PLEKHG4: variants seen among roughly 807,000 people sequenced by gnomAD.
PLEKHG4 encodes the protein puratrophin-1.
Under a neutral mutation model 136.9 loss-of-function variants are expected in PLEKHG4, and 85 were observed. The observed-to-expected ratio is 0.62, with a 90% CI of 0.52 to 0.74. The LOEUF (loss-of-function observed/expected upper bound fraction) is 0.74. Ranked by LOEUF, PLEKHG4 falls within the 30% of genes least tolerant of loss-of-function variation. The probability of loss-of-function intolerance (pLI) is 0.00; values close to 1 mark genes in which losing one functional copy is unlikely to be tolerated. For synonymous variants in PLEKHG4, 577 were observed against 646.9 expected (o/e 0.89, Z 1.64); for missense variants, 1,317 against 1,527.8 (o/e 0.86, Z 2.30).
chr16:67,286,947 A>G, intron 17 of PLEKHG4, 28 bp downstream of exon 17: 1 of 1,612,134 alleles, frequency 6.2e-7, no homozygotes, highest in Non-Finnish European at 8.5e-7. Context: ...AGGCCCCACC[A>G]CTTGTTTTCC....
In PLEKHG4 at chr16:67,281,664, AG is replaced by A. The variant is rs972487176; in HGVS notation, c.891+24del. Reference sequence around the variant, plus strand: ...CTGCAGGTACTAAGCCCAGTTGGCTAGGGGTAGAGGTGGGGTGCCTCCCCCC... The same window carrying A: ...CTGCAGGTACTAAGCCCAGTTGGCTAGGGTAGAGGTGGGGTGCCTCCCCCC... On this transcript the variant is annotated intron_variant, in intron 6 of 21. Transcript: ENST00000379344. The A allele has an allele frequency of 3.7e-6, 6 of 1,613,336 alleles. No homozygotes were observed. In the Admixed American group the frequency reaches 6.7e-5, roughly 18 times the overall value.
At chr16:67,286,178 G>A (rs1303617561) in intron 14 of PLEKHG4, 96 bp from the exon 15 acceptor site, 4 of 843,422 alleles carry the variant, frequency 4.7e-6, no homozygotes, top group Non-Finnish European at 6.2e-6. Flanking sequence ...GGCATCTACT[G>A]GCATTTTGGT....
At chr16:67,281,377 C>T (rs1316561156) in intron 5 of PLEKHG4, among the ~76,000 whole-genome samples, 190 bp from the exon 6 acceptor site, 5 of 152,162 alleles carry the variant, frequency 3.3e-5, no homozygotes, top group African/African-American at 9.7e-5. Context: ...GCACCTGCCA[C>T]CATGCCCAGC....
In PLEKHG4 at chr16:67,280,048, G is replaced by C; in HGVS notation, c.4G>C (p.Glu2Gln). 6.2e-7 allele frequency: 1 copy of C among 1,612,754 alleles called. No individual in the cohort carries two copies. The highest frequency in any genetic ancestry group is 1.1e-5 in the South Asian group (1 of 91,046). ...GGCCCACCTTTAGGAGGGCGTGATG[G>C]AAAGGCCCCTGGAGAATGGGGATGA... M[E>Q]RPLENGDESP... Residue 2 changes from glutamate (E) to glutamine (Q), a missense_variant, in exon 2 of 22, where the codon GAA becomes CAA. By Grantham distance (29) the Glu-to-Gln change is conservative (BLOSUM62 2). Coordinates refer to ENST00000379344, the MANE Select transcript of PLEKHG4 (RefSeq NM_001129729.3). The surrounding 1 kb of genome is among the most constrained non-coding windows in gnomAD (Gnocchi z 4.4).
chr16:67,286,792 T>A lies in PLEKHG4; in HGVS notation c.2798T>A (p.Phe933Tyr), dbSNP rs746833314. The A allele has an allele frequency of 1.3e-5, 21 of 1,614,012 alleles. No individual in the cohort carries two copies. The highest frequency in any genetic ancestry group is 1.7e-5 in the Non-Finnish European group (20 of 1,179,962). ...EQGQLVRQDEFVVRTGRHKSV... is the reference protein window; with the variant it reads ...EQGQLVRQDEYVVRTGRHKSV... ...GGGCAGCTGGTGCGACAGGATGAGT[T>A]TGTGGTGCGCACTGGGCGCCACAAG... Residue 933 changes from phenylalanine (F) to tyrosine (Y), a missense_variant, in exon 17 of 22, where the codon TTT becomes TAT. By Grantham distance (22) the Phe-to-Tyr change is conservative. Coordinates refer to ENST00000379344, the MANE Select transcript of PLEKHG4 (RefSeq NM_001129729.3).
At position 67,284,886 on chromosome 16, in the gene PLEKHG4, C is replaced by T. The variant is rs778249261; in HGVS notation, c.1866C>T (p.Arg622=). Residue 622 remains arginine, a synonymous_variant, in exon 13 of 22, where the codon CGC becomes CGT. Coordinates refer to ENST00000379344, the MANE Select transcript of PLEKHG4 (RefSeq NM_001129729.3). This position sits in a 1 kb window ranked among gnomAD's most constrained non-coding sequence, Gnocchi z 4.4. ...LATGLGSEAI[R]QECRWAWARC... is the part of the protein sequence containing the mutation. Reference sequence around the variant, plus strand: ...CGGGGCTGGGCTCAGAGGCCATCCGCCAGGAGTGCCGCTGGGCCTGGGCGC... The same window carrying T: ...CGGGGCTGGGCTCAGAGGCCATCCGTCAGGAGTGCCGCTGGGCCTGGGCGC... The T allele has an allele frequency of 3.1e-6, 5 of 1,612,652 alleles. No homozygotes were observed. In the South Asian group the frequency reaches 4.4e-5, roughly 14 times the overall value.
In PLEKHG4 at chr16:67,284,741, G is replaced by A. The variant is rs544694903; in HGVS notation, c.1721G>A (p.Arg574Gln). The change falls in exon 13 of 22, where the codon CGA becomes CAA. Residue 574 changes from arginine (R) to glutamine (Q), a missense_variant. Arg to Gln is a conservative substitution (Grantham distance 43). Coordinates refer to ENST00000379344, the MANE Select transcript of PLEKHG4 (RefSeq NM_001129729.3). This position sits in a 1 kb window ranked among gnomAD's most constrained non-coding sequence, Gnocchi z 4.4. ...TTGACGTGGGCTGAGGAGGGGCAGC[G>A]AGTGTTGGCAGAGCTGGAGCAGGAA... ...EALTWAEEGQ[R>Q]VLAELEQERP... is the part of the protein sequence containing the mutation. The A allele has an allele frequency of 3.7e-5, 60 of 1,613,910 alleles. No individual in the cohort carries two copies. In the East Asian group the frequency reaches 6.2e-4, roughly 17 times the overall value.
rs2036160552 is a variant in PLEKHG4 at position 67,280,471 on chromosome 16, C to G, written c.427C>G (p.Pro143Ala). ...CAGGGCGATGCCATCTGGCTTGAGC[C>G]CTGGGGCATTGGACAGCGACCCTGT... ...PSRAMPSGLS[P>A]GALDSDPVGL... The change falls in exon 2 of 22, where the codon CCT (proline) becomes GCT (alanine). Residue 143 changes from proline to alanine, a missense_variant. By Grantham distance (27) the Pro-to-Ala change is conservative. Coordinates refer to ENST00000379344, the MANE Select transcript of PLEKHG4 (RefSeq NM_001129729.3). The surrounding 1 kb of genome is among the most constrained non-coding windows in gnomAD (Gnocchi z 4.4). 1 of 1,603,664 alleles carries G rather than the reference C, an allele frequency of 6.2e-7. No individual in the cohort carries two copies. Among genetic ancestry groups the G allele is most frequent in the Admixed American group, 1.7e-5 (1 of 59,076 alleles).
chr16:67,282,635 G>A lies in PLEKHG4; in HGVS notation c.1386G>A (p.Leu462=). 1 of 1,613,864 alleles carries A rather than the reference G, an allele frequency of 6.2e-7. No individual in the cohort carries two copies. Among genetic ancestry groups the A allele is most frequent in the Non-Finnish European group, 8.5e-7 (1 of 1,180,054 alleles). ...VQTLEARESG[L]HQIEVWLQQV... ...CACTGGAGGCCCGGGAAAGCGGACT[G>A]CACCAGGTCGGAACTACTTGCCCAG... is the stretch of plus-strand genomic sequence containing the variant. Residue 462 remains leucine (L), a synonymous_variant, in exon 10 of 22, where the codon CTG becomes CTA. Coordinates refer to ENST00000379344, the MANE Select transcript of PLEKHG4 (RefSeq NM_001129729.3).
In PLEKHG4 at chr16:67,285,117, T is replaced by G. The variant is rs1361477739; in HGVS notation, c.2097T>G (p.Ile699Met). ...GCCACTGCCACCATGCGGCCACTAT[T>G]GCTGCCTGCCGCAGACCAGAGGCTG... is the stretch of plus-strand genomic sequence containing the variant. Reference protein sequence around the residue: ...PACHCHHAATIAACRRPEAGG... With the variant: ...PACHCHHAATMAACRRPEAGG... Residue 699 changes from isoleucine (I) to methionine (M), a missense_variant, in exon 13 of 22, where the codon ATT (isoleucine) becomes ATG (methionine). By Grantham distance (10) the Ile-to-Met change is conservative (BLOSUM62 1). Transcript: ENST00000379344. 6.2e-7 allele frequency: 1 copy of G among 1,613,414 alleles called. No individual in the cohort carries two copies. Among genetic ancestry groups the G allele is most frequent in the Non-Finnish European group, 8.5e-7 (1 of 1,180,002 alleles).
chr16:67,288,863 C>A lies in PLEKHG4; in HGVS notation c.*55C>A, dbSNP rs1567444219. 1.2e-6 allele frequency: 2 copies of A among 1,600,172 alleles called. No individual in the cohort carries two copies. Among genetic ancestry groups the A allele is most frequent in the Admixed American group, 1.7e-5 (1 of 59,026 alleles). On this transcript the variant is annotated 3_prime_UTR_variant, in exon 22 of 22. Coordinates refer to ENST00000379344, the MANE Select transcript of PLEKHG4 (RefSeq NM_001129729.3). ...CAGCCTGCAGCTCCAAGGAACATTG[C>A]CTCTCTGGATCTGCTGTGACCAGGG...
At position 67,282,732 on chromosome 16, in the gene PLEKHG4, G is replaced by A. The variant is rs1474359352; in HGVS notation, c.1393-10G>A. 3 of 1,613,370 alleles carry A rather than the reference G, an allele frequency of 1.9e-6. No individual in the cohort carries two copies. Among genetic ancestry groups the A allele is most frequent in the Non-Finnish European group, 2.5e-6 (3 of 1,179,924 alleles). On this transcript the variant is annotated splice_polypyrimidine_tract_variant and intron_variant, in intron 10 of 21. Coordinates refer to ENST00000379344, the MANE Select transcript of PLEKHG4 (RefSeq NM_001129729.3). ...GCTCTCTTCACTTTTCCCTGCTTGT[G>A]CTCCTCCAGATTGAAGTGTGGCTGC...
At position 67,288,575 on chromosome 16, in the gene PLEKHG4, CT is replaced by C; in HGVS notation, c.3542del (p.Leu1181ArgfsTer59). On this transcript the variant is annotated frameshift_variant, in exon 21 of 22. Transcript: ENST00000379344. LOFTEE classifies it high-confidence loss of function. ...SDSSCVSGQA[L>X]GRGLEDLPCV Reference sequence around the variant, plus strand: ...CAGCAGCTGTGTGTCAGGGCAGGCCCTGGGTAGGGGCCTGGAGGACTTACCC... The same window carrying C: ...CAGCAGCTGTGTGTCAGGGCAGGCCCGGGTAGGGGCCTGGAGGACTTACCC... 3 of 1,614,196 alleles carry C rather than the reference CT, an allele frequency of 1.9e-6. No homozygotes were observed. The highest frequency in any genetic ancestry group is 2.5e-6 in the Non-Finnish European group (3 of 1,179,988).
At chr16:67,278,823 T>C (rs1410217711), upstream of PLEKHG4, 1 of 152,098 alleles carries the variant, frequency 6.6e-6, no homozygotes, top group Non-Finnish European at 1.5e-5. Flanking sequence ...GGCTGGGGGC[T>C]CTGGCTCCAG....
In PLEKHG4 at chr16:67,287,112, C is replaced by G. The variant is rs776880466; in HGVS notation, c.3038C>G (p.Ala1013Gly). 1 of 1,612,366 alleles carries G rather than the reference C, an allele frequency of 6.2e-7. No homozygotes were observed. The highest frequency in any genetic ancestry group is 2.2e-5 in the East Asian group (1 of 44,882). The part of the protein sequence containing the change: ...DTFVLQASSL[A>G]IKQAWTADIS... ...TTTGTGCTGCAGGCCTCCAGCCTGG[C>G]TATCAAGCAGGCCTGGACAGCTGAC... The change falls in exon 18 of 22, where the codon GCT becomes GGT. Residue 1013 changes from alanine to glycine, a missense_variant. Physicochemically the swap from Ala to Gly is moderately conservative, Grantham distance 60. Coordinates refer to ENST00000379344, the MANE Select transcript of PLEKHG4 (RefSeq NM_001129729.3).
At chr16:67,279,362 C>G (rs1030790073), upstream of PLEKHG4, 2 of 151,974 alleles carry the variant, frequency 1.3e-5, no homozygotes, top group Admixed American at 6.6e-5. Context: ...CGGCGGCGGG[C>G]GGGGGTTGCT....
Position 67,287,981 on chromosome 16 carries a change from G to A in PLEKHG4, c.3187G>A (p.Asp1063Asn), listed in dbSNP as rs769287663. 6.5e-5 allele frequency: 105 copies of A among 1,613,680 alleles called. No individual in the cohort carries two copies. The highest frequency in any genetic ancestry group is 7.5e-5 in the Non-Finnish European group (89 of 1,179,708). Residue 1063 changes from aspartate (D) to asparagine (N), a missense_variant, in exon 19 of 22, where the codon GAC becomes AAC. Physicochemically the swap from Asp to Asn is conservative, Grantham distance 23 (BLOSUM62 1). Coordinates refer to ENST00000379344, the MANE Select transcript of PLEKHG4 (RefSeq NM_001129729.3). ...TGCTCCCAGCGAGGAAGCCATCAAC[G>A]ACCGCACCGTCAACTATGTCCTGAA... The part of the protein sequence containing the change: ...DIAPSEEAIN[D>N]RTVNYVLKCR...
chr16:67,286,853 G>A lies in PLEKHG4; in HGVS notation c.2859G>A (p.Leu953=). The A allele has an allele frequency of 6.2e-7, 1 of 1,614,176 alleles. No homozygotes were observed. Among genetic ancestry groups the A allele is most frequent in the Non-Finnish European group, 8.5e-7 (1 of 1,180,006 alleles). Residue 953 remains leucine, a synonymous_variant, in exon 17 of 22, where the codon CTG becomes CTA. Transcript: ENST00000379344. ...GCATCTTCCTTTTTGAGGAGCTGCT[G>A]CTCTTCAGCAAGCCTCGCCATGGGC... The part of the protein sequence containing the change: ...VRRIFLFEEL[L]LFSKPRHGPT...
chr16:67,288,183 G>C lies in PLEKHG4; in HGVS notation c.3237G>C (p.Ala1079=), dbSNP rs147886474. Residue 1079 remains alanine, a synonymous_variant, in exon 20 of 22, where the codon GCG becomes GCC. Coordinates refer to ENST00000379344, the MANE Select transcript of PLEKHG4 (RefSeq NM_001129729.3). ...CTTATGCAGAAGTTCGCTCTCGGGC[G>C]TCCATTGCCGTAGCCCCGTTTGACC... ...VLKCREVRSR[A]SIAVAPFDHD... is the part of the protein sequence containing the mutation. 3 of 1,613,912 alleles carry C rather than the reference G, an allele frequency of 1.9e-6. No homozygotes were observed. The South Asian group carries it at 3.3e-5, about 18-fold the overall frequency.
Sources: allele counts gnomAD v4.1 joint callset (sites outside exome capture counted in the v4.1 genomes callset), GRCh38; gene constraint gnomAD v4.1.1; non-coding constraint Gnocchi (gnomAD v3.1); transcripts MANE v1.5; gene names NCBI Gene and HGNC (gene_info 2026-07-23, HGNC 2026-07-21).